Variants in PPP6R3 observed in about 807,000 individuals in gnomAD.
The protein encoded by PPP6R3 is protein phosphatase 6 regulatory subunit 3, also known as serine/threonine-protein phosphatase 6 regulatory subunit 3.
PPP6R3 carries 38 observed loss-of-function variants against 110.7 expected under a neutral mutation model. The ratio of observed to expected loss-of-function variants is 0.34; its 90% confidence interval spans 0.26 to 0.45. The LOEUF (loss-of-function observed/expected upper bound fraction) is 0.45. Ranked by LOEUF, PPP6R3 falls within the 20% of genes least tolerant of loss-of-function variation. The pLI, the probability that PPP6R3 is intolerant of heterozygous loss-of-function variation, is 1.00. For missense variants in PPP6R3, 870 were observed against 1,062.4 expected, an observed-to-expected ratio of 0.82 and a Z score of 2.52; for synonymous variants, 369 against 373.5, an observed-to-expected ratio of 0.99 and a Z score of 0.14.
At chr11:68,531,165 G>T (rs7124078) in intron 2 of PPP6R3, among the ~76,000 whole-genome samples, 37,228 of 151,800 alleles carry the variant, frequency 0.25, 4,820 homozygotes, top group Middle Eastern at 0.32. Context: ...AATTTGTGAA[G>T]ATGTAGATTA....
rs1486372575 is a variant in PPP6R3 at position 68,571,105 on chromosome 11, G to GT, written c.1343+2dup. 4.4e-6 allele frequency: 7 copies of GT among 1,594,866 alleles called. No homozygotes were observed. The African/African-American group carries it at 9.6e-5, about 22-fold the overall frequency. ...CCTGGGAAATGAATGAGAAGAAACA[G>GT]TAAGTAAATTGTTTTTTTGAAAGGA... On this transcript the variant is annotated splice_donor_variant, in intron 12 of 23. Transcript: ENST00000393800. LOFTEE classifies it high-confidence loss of function.
intron 1 of PPP6R3, among the ~76,000 whole-genome samples, chr11:68,516,382 T>C (rs1008320711): frequency 6.6e-6 from 1 of 152,232 alleles, no homozygotes; most frequent in Non-Finnish European, 1.5e-5. Context: ...TTTAAAATAT[T>C]GTGTAAAATT....
Position 68,537,883 on chromosome 11 carries a change from C to T in PPP6R3, c.219C>T (p.Ile73=), listed in dbSNP as rs775244575. ...EEPPQDMDEK[I]RYKYPNISCE... ...CACCTCAAGACATGGATGAAAAGATCAGATACAAGTAAGACAATTCAATCT... is the reference window on the plus strand; with the variant it reads ...CACCTCAAGACATGGATGAAAAGATTAGATACAAGTAAGACAATTCAATCT... The change falls in exon 3 of 24, where the codon ATC becomes ATT. Residue 73 remains isoleucine, a synonymous_variant. Coordinates refer to ENST00000393800, the MANE Select transcript of PPP6R3 (RefSeq NM_001164161.2). 2 of 1,604,120 alleles carry T rather than the reference C, an allele frequency of 1.2e-6. No homozygotes were observed. The highest frequency in any genetic ancestry group is 1.7e-6 in the Non-Finnish European group (2 of 1,171,486).
At chr11:68,512,129 A>G (rs2099113944) in intron 1 of PPP6R3, among the ~76,000 whole-genome samples, 2 of 152,298 alleles carry the variant, frequency 1.3e-5, no homozygotes, top group South Asian at 4.1e-4. Context: ...GACTGTGTAT[A>G]TGCTTTTGGA....
chr11:68,550,010 C>T (rs2099364609), intron 5 of PPP6R3, among the ~76,000 whole-genome samples: 1 of 152,088 alleles, frequency 6.6e-6, no homozygotes, highest in African/African-American at 2.4e-5. Context: ...AATGCCCCGC[C>T]CCTCACATAG....
chr11:68,462,303 C>G (rs530956481), intron 1 of PPP6R3, among the ~76,000 whole-genome samples: 10 of 152,216 alleles, frequency 6.6e-5, no homozygotes, highest in African/African-American at 2.4e-4. Context: ...CTCAGTTGGG[C>G]TGAAAAAGTA....
rs141033104 is a variant in PPP6R3, at chr11:68,548,088, A to C, written c.436A>C (p.Lys146Gln). 57 of 1,613,640 alleles carry C rather than the reference A, an allele frequency of 3.5e-5. No individual in the cohort carries two copies. Among genetic ancestry groups the C allele is most frequent in the African/African-American group, 6.7e-5 (5 of 75,032 alleles). Residue 146 changes from lysine to glutamine, a missense_variant, in exon 5 of 24, where the codon AAG (lysine) becomes CAG (glutamine). Lys to Gln is a moderately conservative substitution (Grantham distance 53, BLOSUM62 1). Coordinates refer to ENST00000393800, the MANE Select transcript of PPP6R3 (RefSeq NM_001164161.2). Reference protein sequence around the residue: ...PEQIVDFLKKKHDFVDLIIKH... With the variant: ...PEQIVDFLKKQHDFVDLIIKH... ...CTAGATTGTGGATTTCTTAAAGAAG[A>C]AGCATGATTTTGTAGACCTTATTAT...
At chr11:68,588,888 A>G (rs1023428057) in intron 16 of PPP6R3, among the ~76,000 whole-genome samples, 1 of 152,054 alleles carries the variant, frequency 6.6e-6, no homozygotes, top group African/African-American at 2.4e-5. Flanking sequence ...TCTAGCTCTT[A>G]ACGTTAAATA....
chr11:68,601,279 C>T (rs2099630991), intron 20 of PPP6R3, among the ~76,000 whole-genome samples: 3 of 152,160 alleles, frequency 2.0e-5, no homozygotes, highest in Admixed American at 2.0e-4. Context: ...ATTGAAGCAG[C>T]TTGCTTCTCT....
chr11:68,544,342 A>G (rs761901119), intron 3 of PPP6R3, among the ~76,000 whole-genome samples: 1 of 152,182 alleles, frequency 6.6e-6, no homozygotes, highest in Non-Finnish European at 1.5e-5. Flanking sequence ...ACTTAGTACC[A>G]TTTACAACCC....
intron 18 of PPP6R3, among the ~76,000 whole-genome samples, chr11:68,592,811 A>T (rs970738376): frequency 5.3e-5 from 8 of 152,230 alleles, no homozygotes; most frequent in African/African-American, 1.9e-4. Flanking sequence ...ATTTACTGAG[A>T]TTTTGTTTCT....
rs1042360176 is a variant in PPP6R3 at position 68,477,933 on chromosome 11, AC to A, written c.-158+17107del. 4.7e-5 allele frequency among the ~76,000 whole-genome samples: 7 copies of A among 150,384 alleles called. 1 individual carries two copies. Among genetic ancestry groups the A allele is most frequent in the Non-Finnish European group, 7.4e-5 (5 of 67,658 alleles). On this transcript the variant is annotated intron_variant, in intron 1 of 23. Coordinates refer to ENST00000393800, the MANE Select transcript of PPP6R3 (RefSeq NM_001164161.2). ...TTTTTGTGTGTGTAGAGACAGGCTC[AC>A]TGTGTTGCCCAGGCTGGTCTTTTTT...
chr11:68,582,740 G>A (rs1297165261), intron 14 of PPP6R3, among the ~76,000 whole-genome samples: 3 of 152,178 alleles, frequency 2.0e-5, no homozygotes, highest in African/African-American at 7.2e-5. Flanking sequence ...ACATTTAATT[G>A]GAGGTGATTA....
intron 5 of PPP6R3, among the ~76,000 whole-genome samples, chr11:68,549,118 T>G (rs1042660984): frequency 1.3e-5 from 2 of 152,210 alleles, no homozygotes; most frequent in African/African-American, 2.4e-5. Flanking sequence ...CTCGAACTCC[T>G]GACCTCAGGT....
At chr11:68,611,598 G>C (rs1056820978) in intron 23 of PPP6R3, among the ~76,000 whole-genome samples, 1 of 152,110 alleles carries the variant, frequency 6.6e-6, no homozygotes, top group Non-Finnish European at 1.5e-5. Context: ...GTTTGTGTGT[G>C]GTGGCCACTG....
intron 4 of PPP6R3, 32 bp downstream of exon 4, chr11:68,545,056 G>A (rs1388177533): frequency 7.3e-6 from 11 of 1,516,584 alleles, no homozygotes; most frequent in Non-Finnish European, 9.1e-6. Context: ...GTAAGTATTA[G>A]GGCTGATCAT....
At chr11:68,507,173 T>C (rs1045903793) in intron 1 of PPP6R3, among the ~76,000 whole-genome samples, 27 of 152,188 alleles carry the variant, frequency 1.8e-4, no homozygotes, top group African/African-American at 5.8e-4. Flanking sequence ...TTTACATACA[T>C]GATTTTGCTT....
At chr11:68,463,292 C>T (rs906003865) in intron 1 of PPP6R3, among the ~76,000 whole-genome samples, 2 of 143,060 alleles carry the variant, frequency 1.4e-5, no homozygotes, top group Non-Finnish European at 3.0e-5. Context: ...TCGCTTAAAC[C>T]TGGGAGGCGG....
intron 1 of PPP6R3, among the ~76,000 whole-genome samples, chr11:68,504,661 G>C (rs1348675561): frequency 6.6e-6 from 1 of 152,162 alleles, no homozygotes; most frequent in Non-Finnish European, 1.5e-5. Context: ...CAATTTGAGA[G>C]CCCTGAAAGC....
Sources: gnomAD v4.1 joint callset for allele counts (sites outside exome capture counted in the v4.1 genomes callset) on GRCh38, gnomAD v4.1.1 for gene constraint, MANE v1.5 for transcripts, NCBI Gene and HGNC (gene_info 2026-07-23, HGNC 2026-07-21) for gene names.